CYLD: variants seen among roughly 807,000 people sequenced by gnomAD.
The protein encoded by CYLD is ubiquitin carboxyl-terminal hydrolase CYLD.
CYLD carries 26 observed loss-of-function variants against 104.5 expected under a neutral mutation model. The observed-to-expected ratio is 0.25, with a 90% confidence interval of 0.18 to 0.35. CYLD has a LOEUF of 0.35. CYLD is among the 10% of genes least tolerant of loss of function. CYLD has a pLI of 1.00. For synonymous variants in CYLD, 385 were observed against 399.9 expected, an observed-to-expected ratio of 0.96 and a Z score of 0.45; for missense variants, 703 against 1,136.1, an observed-to-expected ratio of 0.62 and a Z score of 5.48.
At position 50,795,651 on chromosome 16, in the gene CYLD, A is replaced by G. The variant is rs182557682; in HGVS notation, c.2687-673A>G. ...TGAACAGAGGCCCAGGCCCTAGATC[A>G]AGAGTTCTCCACCTTTTCTCAGTTC... is the stretch of plus-strand genomic sequence containing the variant. On this transcript the variant is annotated intron_variant, in intron 18 of 18. Transcript: ENST00000427738. The G allele has an allele frequency of 1.3e-3, 948 of 702,228 alleles. 3 individuals are homozygous for G. In the African/African-American group the frequency reaches 0.015, roughly 11 times the overall value. The allele number at this position is 702,228 out of a possible 1,614,324, so 43.5% of individuals were successfully genotyped here. A position where few individuals can be genotyped will look rare whatever the true frequency, so the allele number is the denominator to read the frequency against.
At chr16:50,768,393 T>C (rs1968753888) in intron 5 of CYLD, among the ~76,000 whole-genome samples, 1 of 152,328 alleles carries the variant, frequency 6.6e-6, no homozygotes, top group Non-Finnish European at 1.5e-5. Flanking sequence ...TTAGTTTCTT[T>C]TTCTTGCCCA....
intron 17 of CYLD, 89 bp downstream of exon 17, chr16:50,793,753 T>C (rs1349436881): frequency 2.2e-6 from 2 of 921,164 alleles, no homozygotes; most frequent in Non-Finnish European, 3.6e-6. Context: ...GGAAAGTTTT[T>C]TAAAATCATA....
rs910593386 is a variant in CYLD at position 50,800,377 on chromosome 16, A to G, written c.*3869A>G. On this transcript the variant is annotated 3_prime_UTR_variant, in exon 19 of 19. Transcript: ENST00000427738. Reference sequence around the variant, plus strand: ...TGTGATTTTGTGGTCATGTAACGTTACTGTATTATTCTACGTAAATGTGGG... The same window carrying G: ...TGTGATTTTGTGGTCATGTAACGTTGCTGTATTATTCTACGTAAATGTGGG... 1.3e-5 allele frequency: 3 copies of G among 233,224 alleles called. No homozygotes were observed. The highest frequency in any genetic ancestry group is 5.6e-5 in the Admixed American group (1 of 17,780). 14.4% of individuals were successfully genotyped at this position (233,224 alleles called of 1,614,324 possible).
chr16:50,765,247 G>A (rs1968370578), intron 5 of CYLD, among the ~76,000 whole-genome samples: 1 of 152,034 alleles, frequency 6.6e-6, no homozygotes, highest in African/African-American at 2.4e-5. Flanking sequence ...GTCACATTTT[G>A]GTAATTCCTG....
intron 5 of CYLD, among the ~76,000 whole-genome samples, chr16:50,771,189 TG>T (rs1277775021): frequency 1.3e-4 from 19 of 148,584 alleles, no homozygotes; most frequent in African/African-American, 4.4e-4. Context: ...CCTGAGACCC[TG>T]ACAACCACTG....
intron 5 of CYLD, among the ~76,000 whole-genome samples, chr16:50,755,853 G>A (rs1286238193): frequency 1.3e-5 from 2 of 152,104 alleles, no homozygotes; most frequent in East Asian, 1.9e-4. Flanking sequence ...CTGTGTAGAA[G>A]CCTTTTAGTT....
intron 2 of CYLD, among the ~76,000 whole-genome samples, chr16:50,746,983 G>A (rs960309733): frequency 4.6e-5 from 7 of 152,106 alleles, no homozygotes; most frequent in African/African-American, 1.4e-4. Context: ...TGAAGACATT[G>A]TTCTTAGGAA....
chr16:50,800,908 G>T lies in CYLD; in HGVS notation c.*4400G>T, dbSNP rs1434695793. 1.3e-5 allele frequency: 3 copies of T among 233,322 alleles called. No homozygotes were observed. The highest frequency in any genetic ancestry group is 2.5e-5 in the Non-Finnish European group (3 of 118,096). The allele number at this position is 233,322 out of a possible 1,614,324, so 14.5% of individuals were successfully genotyped here. ...GGGGAGGAGAAAGCGATGTTAAAAT[G>T]AAAACTCACTGCAAAAGAGGAGGCA... On this transcript the variant is annotated 3_prime_UTR_variant, in exon 19 of 19. Coordinates refer to ENST00000427738, the MANE Select transcript of CYLD (RefSeq NM_001378743.1).
In CYLD at chr16:50,780,015, C is replaced by G; in HGVS notation, c.1489C>G (p.Leu497Val). Residue 497 changes from leucine to valine, a missense_variant, in exon 9 of 19, where the codon CTG (leucine) becomes GTG (valine). Leu to Val is a conservative substitution (Grantham distance 32). Transcript: ENST00000427738. ...VIRWIGQPPG[L>V]NEVLAGLELE... is the part of the protein sequence containing the mutation. ...CCGTTGGATCGGTCAGCCACCAGGACTGAATGAAGTGCTCGCTGGACTGGA... is the reference window on the plus strand; with the variant it reads ...CCGTTGGATCGGTCAGCCACCAGGAGTGAATGAAGTGCTCGCTGGACTGGA... 1 of 1,614,156 alleles carries G rather than the reference C, an allele frequency of 6.2e-7. No individual in the cohort carries two copies. Among genetic ancestry groups the G allele is most frequent in the Non-Finnish European group, 8.5e-7 (1 of 1,180,000 alleles).
At chr16:50,785,017 TTATAAA>T (rs925495846) in intron 12 of CYLD, 2 of 154,156 alleles carry the variant, frequency 1.3e-5, no homozygotes, top group Non-Finnish European at 1.4e-5. Flanking sequence ...ACTTTAGGAA[TTATAAA>T]TATGTCTTTT....
At chr16:50,778,679 G>T (rs1183215557) in intron 8 of CYLD, among the ~76,000 whole-genome samples, 1 of 152,148 alleles carries the variant, frequency 6.6e-6, no homozygotes, top group Non-Finnish European at 1.5e-5. Context: ...GCTAGTGTTT[G>T]CCAGGGACTA....
intron 5 of CYLD, among the ~76,000 whole-genome samples, chr16:50,760,357 A>G (rs1389298877): frequency 6.6e-6 from 1 of 152,222 alleles, no homozygotes; most frequent in South Asian, 2.1e-4. Context: ...TGTATCTCAA[A>G]TCAAAATTAA....
chr16:50,765,592 T>A (rs1055827900), intron 5 of CYLD, among the ~76,000 whole-genome samples: 1 of 152,120 alleles, frequency 6.6e-6, no homozygotes, highest in Non-Finnish European at 1.5e-5. Context: ...TTAAGCTTAG[T>A]GAGGAAGGTA....
rs750038729 is a variant in CYLD, at chr16:50,791,597, A to G, written c.2148A>G (p.Gln716=). ...GQKVQDCYFY[Q]IFMEKNEKVG... ...AGGTACAAGATTGTTACTTCTATCA[A>G]ATTTTTATGGAAAAAAATGAGAAAG... Residue 716 remains glutamine (Q), a synonymous_variant, in exon 15 of 19, where the codon CAA becomes CAG. Coordinates refer to ENST00000427738, the MANE Select transcript of CYLD (RefSeq NM_001378743.1). 6.4e-5 allele frequency: 103 copies of G among 1,613,758 alleles called. No individual in the cohort carries two copies. Among genetic ancestry groups the G allele is most frequent in the Non-Finnish European group, 8.2e-5 (97 of 1,179,838 alleles).
At chr16:50,765,030 T>G (rs906475324) in intron 5 of CYLD, among the ~76,000 whole-genome samples, 3 of 152,248 alleles carry the variant, frequency 2.0e-5, no homozygotes, top group African/African-American at 7.2e-5. Flanking sequence ...TCTATGCTAA[T>G]ATTGTTTTTC....
chr16:50,769,989 T>C (rs1167434861), intron 5 of CYLD, among the ~76,000 whole-genome samples: 4 of 152,248 alleles, frequency 2.6e-5, no homozygotes, highest in African/African-American at 9.6e-5. Context: ...CATGGATTGT[T>C]CCTGTTTATT....
rs1167964127 is a variant in CYLD, at chr16:50,799,094, A to G, written c.*2586A>G. 4.3e-6 allele frequency: 1 copy of G among 233,244 alleles called. No individual in the cohort carries two copies. The highest frequency in any genetic ancestry group is 2.2e-5 in the African/African-American group (1 of 45,328). The allele number at this position is 233,244 out of a possible 1,614,324, so 14.4% of individuals were successfully genotyped here. On this transcript the variant is annotated 3_prime_UTR_variant, in exon 19 of 19. Coordinates refer to ENST00000427738, the MANE Select transcript of CYLD (RefSeq NM_001378743.1). ...ACAGGGGCTTATGTGCCTGCTGGTT[A>G]TTTAATTTTCAGCCTTAAGTTTTCT...
rs1970025407 is a variant in CYLD at position 50,779,700 on chromosome 16, T to G, written c.1174T>G (p.Ser392Ala). 3 of 1,614,068 alleles carry G rather than the reference T, an allele frequency of 1.9e-6. No homozygotes were observed. Among genetic ancestry groups the G allele is most frequent in the Non-Finnish European group, 2.5e-6 (3 of 1,179,964 alleles). ...EDPAKSLTEI[S>A]TDFDRSSPPL... The stretch of plus-strand genomic sequence containing the variant: ...CCCTGCAAAATCTCTTACAGAGATA[T>G]CTACAGACTTTGACCGTTCTTCACC... The change falls in exon 9 of 19, where the codon TCT (serine) becomes GCT (alanine). Residue 392 changes from serine (S) to alanine (A), a missense_variant. Physicochemically the swap from Ser to Ala is moderately conservative, Grantham distance 99. This residue lies in a region of CYLD where 183 missense variants were observed against 212.1 expected (regional missense o/e 0.86). Coordinates refer to ENST00000427738, the MANE Select transcript of CYLD (RefSeq NM_001378743.1).
chr16:50,786,589 G>T (rs956423387), intron 12 of CYLD: 6 of 362,370 alleles, frequency 1.7e-5, no homozygotes, highest in African/African-American at 1.1e-4. Context: ...GTGAAACCCT[G>T]TTTCTACTAA....
Sources: allele counts gnomAD v4.1 joint callset (sites outside exome capture counted in the v4.1 genomes callset), GRCh38; gene constraint gnomAD v4.1.1; regional missense constraint gnomAD v4.1.1; transcripts MANE v1.5; gene names NCBI Gene and HGNC (gene_info 2026-07-23, HGNC 2026-07-21).